CNTNAP2: variants seen among roughly 807,000 people sequenced by gnomAD.
CNTNAP2 encodes contactin-associated protein-like 2.
Under a neutral mutation model 155.2 loss-of-function variants are expected in CNTNAP2, and 98 were observed. The observed-to-expected ratio is 0.63, with a 90% CI of 0.54 to 0.75. CNTNAP2 has a LOEUF of 0.75. CNTNAP2 is among the 30% of genes least tolerant of loss of function. The pLI, the probability that CNTNAP2 is intolerant of heterozygous loss-of-function variation, is 0.00. For synonymous variants in CNTNAP2, 651 were observed against 631.2 expected (o/e 1.03, Z -0.47); for missense variants, 1,727 against 1,688.1 (o/e 1.02, Z -0.40).
intron 3 of CNTNAP2, among the ~76,000 whole-genome samples, chr7:146,947,866 AT>A (rs1243525532): frequency 2.6e-5 from 4 of 151,962 alleles, no homozygotes; most frequent in African/African-American, 4.8e-5. Context: ...TAATGGTGCC[AT>A]TGCCCTGCAG....
At chr7:147,589,155 T>A (rs552896005) in intron 12 of CNTNAP2, among the ~76,000 whole-genome samples, 1 of 152,306 alleles carries the variant, frequency 6.6e-6, no homozygotes, top group South Asian at 2.1e-4. Context: ...TCCTTAGAAA[T>A]GATCCAATTC....
intron 10 of CNTNAP2, among the ~76,000 whole-genome samples, chr7:147,401,159 A>T (rs1796905920): frequency 6.6e-6 from 1 of 152,166 alleles, no homozygotes; most frequent in Admixed American, 6.5e-5. Context: ...TAGAATTAGA[A>T]TCTCCTCTGC....
intron 11 of CNTNAP2, among the ~76,000 whole-genome samples, chr7:147,499,654 T>G (rs1798774880): frequency 1.3e-5 from 2 of 152,148 alleles, no homozygotes; most frequent in South Asian, 4.1e-4. Flanking sequence ...TTACCCTAGT[T>G]CTCTCCCCCA....
chr7:147,789,810 C>T (rs1486560737), intron 13 of CNTNAP2, among the ~76,000 whole-genome samples: 2 of 152,154 alleles, frequency 1.3e-5, no homozygotes, highest in Admixed American at 6.5e-5. Flanking sequence ...ACATCAGATT[C>T]CAAGTTCTTC....
intron 15 of CNTNAP2, among the ~76,000 whole-genome samples, chr7:148,049,171 T>C (rs1802836619): frequency 6.6e-6 from 1 of 152,184 alleles, no homozygotes; most frequent in Non-Finnish European, 1.5e-5. Context: ...GCTAAGATCA[T>C]GCCATTGCAC....
chr7:148,109,993 G>A (rs553376332), intron 15 of CNTNAP2, among the ~76,000 whole-genome samples: 36 of 151,920 alleles, frequency 2.4e-4, no homozygotes, highest in African/African-American at 8.7e-4. Flanking sequence ...TGGAGGCCTG[G>A]GGAGTTTCTT....
At chr7:146,146,876 A>G (rs531628318) in intron 1 of CNTNAP2, among the ~76,000 whole-genome samples, 2 of 152,164 alleles carry the variant, frequency 1.3e-5, no homozygotes, top group Non-Finnish European at 2.9e-5. Flanking sequence ...TGCATAGTCT[A>G]TATTTCTTTT....
intron 4 of CNTNAP2, among the ~76,000 whole-genome samples, chr7:147,051,228 A>G (rs1279578996): frequency 6.7e-6 from 1 of 149,506 alleles, no homozygotes; most frequent in Non-Finnish European, 1.5e-5. Context: ...TTATGTTTAC[A>G]TCAGTTTAAG....
intron 1 of CNTNAP2, among the ~76,000 whole-genome samples, chr7:146,721,889 A>ATATATATATATATATATTTTTTTT: frequency 1.4e-5 from 1 of 69,738 alleles, no homozygotes; most frequent in African/African-American, 1.9e-4. Flanking sequence ...ATATATATAT[A>ATATATATATATATATATTTTTTTT]TTTTTTTTTT....
intron 15 of CNTNAP2, among the ~76,000 whole-genome samples, chr7:147,994,782 G>A (rs1461882853): frequency 6.6e-6 from 1 of 152,106 alleles, no homozygotes; most frequent in Admixed American, 6.6e-5. Context: ...TATGAAAATG[G>A]ACTAACACAC....
intron 13 of CNTNAP2, among the ~76,000 whole-genome samples, chr7:147,735,001 T>C (rs1289998224): frequency 1.3e-5 from 2 of 149,712 alleles, no homozygotes; most frequent in Non-Finnish European, 3.0e-5. Flanking sequence ...TTTTGAAGGG[T>C]TTTTTGTGTC....
intron 21 of CNTNAP2, among the ~76,000 whole-genome samples, chr7:148,325,736 G>T (rs951712942): frequency 6.6e-6 from 1 of 152,306 alleles, no homozygotes; most frequent in Admixed American, 6.5e-5. Context: ...AGCAGAAGCT[G>T]GTGGGTGCCT....
At chr7:146,194,837 A>C (rs1462629451) in intron 1 of CNTNAP2, among the ~76,000 whole-genome samples, 1 of 152,190 alleles carries the variant, frequency 6.6e-6, no homozygotes, top group Non-Finnish European at 1.5e-5. Flanking sequence ...TATATATAAG[A>C]AGTAGCAAAA....
chr7:147,639,796 G>C (rs547860340), intron 13 of CNTNAP2, among the ~76,000 whole-genome samples: 67 of 152,282 alleles, frequency 4.4e-4, no homozygotes, highest in African/African-American at 1.5e-3. Flanking sequence ...TTGTTTTCAT[G>C]ATGGCCAACT....
chr7:146,756,449 C>T (rs1304682344), intron 1 of CNTNAP2, among the ~76,000 whole-genome samples: 4 of 152,018 alleles, frequency 2.6e-5, no homozygotes, highest in Non-Finnish European at 5.9e-5. Flanking sequence ...GCGGCATTGA[C>T]ATCTCTAGTA....
intron 12 of CNTNAP2, among the ~76,000 whole-genome samples, chr7:147,601,634 C>A (rs1388745195): frequency 7.9e-5 from 2 of 25,414 alleles, no homozygotes; most frequent in Non-Finnish European, 1.4e-4. Flanking sequence ...GACATTGACT[C>A]TTAAAAAAAA....
intron 12 of CNTNAP2, among the ~76,000 whole-genome samples, chr7:147,565,612 C>T (rs1281840920): frequency 1.3e-5 from 2 of 152,064 alleles, no homozygotes; most frequent in Non-Finnish European, 2.9e-5. Context: ...ATTTTTAGAT[C>T]TGTTTTGAAG....
At chr7:146,408,227 A>C (rs1795819710) in intron 1 of CNTNAP2, among the ~76,000 whole-genome samples, 1 of 152,200 alleles carries the variant, frequency 6.6e-6, no homozygotes, top group Non-Finnish European at 1.5e-5. Context: ...TAACCATTAA[A>C]AATAAGCAAT....
At chr7:148,136,268 C>T (rs1303634172) in intron 16 of CNTNAP2, among the ~76,000 whole-genome samples, 6 of 151,988 alleles carry the variant, frequency 3.9e-5, no homozygotes, top group African/African-American at 9.7e-5. Flanking sequence ...GTGTGACTCC[C>T]GATGTTGGAG....
Sources: allele counts gnomAD v4.1 joint callset (sites outside exome capture counted in the v4.1 genomes callset), GRCh38; gene constraint gnomAD v4.1.1; transcripts MANE v1.5; gene names NCBI Gene and HGNC (gene_info 2026-07-23, HGNC 2026-07-21).